MATN2: variants seen among roughly 807,000 people sequenced by gnomAD.
MATN2 encodes the protein matrilin 2.
In MATN2, 69 loss-of-function variants were observed where a neutral mutation model predicts 103.2. The observed-to-expected ratio is 0.67, with a 90% CI of 0.55 to 0.82. The LOEUF is 0.82. Ranked by LOEUF, MATN2 falls within the 40% of genes least tolerant of loss-of-function variation. MATN2 has a pLI of 0.00. For missense variants in MATN2, 1,023 were observed against 1,211.5 expected (o/e 0.84, Z 2.31); for synonymous variants, 429 against 450.2 (o/e 0.95, Z 0.60).
chr8:98,019,349 G>C lies in MATN2; in HGVS notation c.1819+1233G>C, dbSNP rs145839108. Among the ~76,000 whole-genome samples, 62 of 152,282 alleles carry C rather than the reference G, an allele frequency of 4.1e-4. 1 individual carries two copies. In the East Asian group the frequency reaches 0.011, roughly 27 times the overall value. ...GGGCAGCCTGGAGACCCAGGCAAGA[G>C]CTGATGCTGCAGCCCAAGTCTGAAG... On this transcript the variant is annotated intron_variant, in intron 12 of 18. Coordinates refer to ENST00000254898, the MANE Select transcript of MATN2 (RefSeq NM_002380.5).
chr8:97,957,114 G>A (rs967143385), intron 4 of MATN2, among the ~76,000 whole-genome samples: 5 of 152,194 alleles, frequency 3.3e-5, no homozygotes, highest in African/African-American at 1.2e-4. Context: ...GGGGGCCCAG[G>A]GGAAGAAGCC....
At chr8:97,963,415 C>T (rs191545830) in intron 5 of MATN2, among the ~76,000 whole-genome samples, 1 of 152,090 alleles carries the variant, frequency 6.6e-6, no homozygotes, top group East Asian at 1.9e-4. Flanking sequence ...GGCAGGAAGC[C>T]CACCTTGGCC....
intron 2 of MATN2, among the ~76,000 whole-genome samples, chr8:97,929,837 C>G (rs1810119372): frequency 6.6e-6 from 1 of 152,194 alleles, no homozygotes; most frequent in Non-Finnish European, 1.5e-5. Context: ...GTTGACTTTT[C>G]ATTATGTAAC....
intron 12 of MATN2, among the ~76,000 whole-genome samples, chr8:98,019,072 G>T (rs1479080506): frequency 2.1e-5 from 3 of 146,208 alleles, no homozygotes; most frequent in African/African-American, 5.0e-5. Flanking sequence ...TGTCTTCTAT[G>T]GTCTGTTCTA....
At chr8:98,032,873 TA>T (rs1257605907) in intron 16 of MATN2, among the ~76,000 whole-genome samples, 168 bp from the exon 17 acceptor site, 2 of 152,170 alleles carry the variant, frequency 1.3e-5, no homozygotes, top group Admixed American at 1.3e-4. Context: ...TTTGTTTTTT[TA>T]ATAAAGATGT....
chr8:97,880,090 T>G (rs1324413711), intron 1 of MATN2, among the ~76,000 whole-genome samples: 1 of 150,984 alleles, frequency 6.6e-6, no homozygotes, highest in African/African-American at 2.4e-5. Context: ...TTTCTTTTTT[T>G]TTTTTTTTTT....
chr8:98,019,950 AG>A (rs2130425384), intron 12 of MATN2, among the ~76,000 whole-genome samples: 1 of 152,290 alleles, frequency 6.6e-6, no homozygotes, highest in South Asian at 2.1e-4. Flanking sequence ...CTCCAGGAAG[AG>A]GGACTCCTAC....
At position 98,020,080 on chromosome 8, in the gene MATN2, T is replaced by C. The variant is rs186045888; in HGVS notation, c.1820-1125T>C. Among the ~76,000 whole-genome samples, 479 of 152,306 alleles carry C rather than the reference T, an allele frequency of 3.1e-3. 3 individuals carry two copies. The highest frequency in any genetic ancestry group is 7.7e-3 in the Admixed American group (118 of 15,304). On this transcript the variant is annotated intron_variant, in intron 12 of 18. Coordinates refer to ENST00000254898, the MANE Select transcript of MATN2 (RefSeq NM_002380.5). The stretch of plus-strand genomic sequence containing the variant: ...CCAGCTTCACACTGCAGTGGCCCTC[T>C]TGTGGAGATTTTGTCTATAATTCTG...
intron 2 of MATN2, among the ~76,000 whole-genome samples, chr8:97,920,850 G>A (rs547045050): frequency 3.3e-4 from 50 of 152,280 alleles, no homozygotes; most frequent in East Asian, 1.3e-3. Context: ...GGAAATTGGG[G>A]TGCTGTGTCA....
intron 10 of MATN2, among the ~76,000 whole-genome samples, chr8:98,012,610 G>A (rs1023405139): frequency 1.2e-4 from 18 of 152,094 alleles, no homozygotes; most frequent in Non-Finnish European, 2.5e-4. Flanking sequence ...GGACGCCGGC[G>A]GGACACATCA....
At chr8:98,004,655 C>T (rs1812905891) in intron 8 of MATN2, among the ~76,000 whole-genome samples, 1 of 152,210 alleles carries the variant, frequency 6.6e-6, no homozygotes, top group Non-Finnish European at 1.5e-5. Flanking sequence ...GGGCCAGTGC[C>T]TGGCGCCAGA....
At chr8:97,996,951 T>C (rs1263908440) in intron 7 of MATN2, among the ~76,000 whole-genome samples, 1 of 152,204 alleles carries the variant, frequency 6.6e-6, no homozygotes, top group Non-Finnish European at 1.5e-5. Flanking sequence ...TCATCGAAAT[T>C]AAACTGGGGG....
At chr8:97,977,501 A>G (rs1489643020) in intron 5 of MATN2, among the ~76,000 whole-genome samples, 1 of 152,076 alleles carries the variant, frequency 6.6e-6, no homozygotes, top group Non-Finnish European at 1.5e-5. Context: ...AATTCAACCC[A>G]TAACTTCCAG....
At chr8:97,968,546 T>C (rs531080607) in intron 5 of MATN2, among the ~76,000 whole-genome samples, 3 of 152,372 alleles carry the variant, frequency 2.0e-5, no homozygotes, top group African/African-American at 7.2e-5. Context: ...ATCAGATAGC[T>C]ACCTTAGGTC....
chr8:97,979,056 C>T, intron 6 of MATN2, 48 bp downstream of exon 6: 1 of 1,550,982 alleles, frequency 6.4e-7, no homozygotes, highest in South Asian at 1.2e-5. Flanking sequence ...GCTGTTACTG[C>T]TGTGGTGACT....
At chr8:98,026,227 T>G (rs1813800392) in intron 13 of MATN2, among the ~76,000 whole-genome samples, 1 of 149,678 alleles carries the variant, frequency 6.7e-6, no homozygotes, top group Non-Finnish European at 1.5e-5. Flanking sequence ...ATGTAAAGAA[T>G]TTATGGTGAT....
intron 4 of MATN2, chr8:97,952,330 G>T (rs1316283985): frequency 6.6e-6 from 1 of 152,200 alleles, no homozygotes; most frequent in East Asian, 1.9e-4. Context: ...GTGTTCATTT[G>T]CTTTAACTCC....
intron 1 of MATN2, among the ~76,000 whole-genome samples, chr8:97,877,197 G>T (rs1241822054): frequency 6.6e-6 from 1 of 151,414 alleles, no homozygotes; most frequent in Non-Finnish European, 1.5e-5. Flanking sequence ...TTTTGGGGGG[G>T]CCAGGCACAG....
chr8:97,926,095 T>G (rs1384136385), intron 2 of MATN2, among the ~76,000 whole-genome samples: 3 of 152,208 alleles, frequency 2.0e-5, no homozygotes, highest in Non-Finnish European at 4.4e-5. Context: ...GACACTCATT[T>G]GCCCAATACA....
Sources: allele counts gnomAD v4.1 joint callset (sites outside exome capture counted in the v4.1 genomes callset), GRCh38; gene constraint gnomAD v4.1.1; transcripts MANE v1.5; gene names NCBI Gene and HGNC (gene_info 2026-07-23, HGNC 2026-07-21).